Variants in CDH12 observed in about 807,000 individuals in gnomAD.
The protein encoded by CDH12 is cadherin-12.
CDH12 carries 41 observed loss-of-function variants against 74.1 expected under a neutral mutation model. The ratio of observed to expected loss-of-function variants is 0.55; its 90% CI spans 0.43 to 0.72. The LOEUF is 0.72. CDH12 is among the 30% of genes least tolerant of loss of function. CDH12 has a pLI of 0.00. For missense variants in CDH12, 945 were observed against 977.2 expected (o/e 0.97, Z 0.44); for synonymous variants, 399 against 355.0 (o/e 1.12, Z -1.39).
chr5:22,401,176 T>C (rs930537671), intron 3 of CDH12, among the ~76,000 whole-genome samples: 5 of 152,072 alleles, frequency 3.3e-5, no homozygotes, highest in African/African-American at 7.2e-5. Context: ...TCGGACACCA[T>C]TGGAAGTTTT....
At chr5:22,678,370 A>T (rs1295985986) in intron 1 of CDH12, among the ~76,000 whole-genome samples, 1 of 152,142 alleles carries the variant, frequency 6.6e-6, no homozygotes, top group African/African-American at 2.4e-5. Flanking sequence ...ACTTAACAAT[A>T]TCAATACAAA....
At chr5:22,578,864 A>G (rs537956811) in intron 1 of CDH12, among the ~76,000 whole-genome samples, 1 of 152,208 alleles carries the variant, frequency 6.6e-6, no homozygotes, top group African/African-American at 2.4e-5. Flanking sequence ...TTCTGTTGCT[A>G]TATTTTAGGT....
chr5:22,378,316 T>C (rs1741622913), intron 3 of CDH12, among the ~76,000 whole-genome samples: 1 of 152,140 alleles, frequency 6.6e-6, no homozygotes, highest in South Asian at 2.1e-4. Context: ...AGATCACATA[T>C]ATTACTACAG....
At chr5:22,710,916 C>A (rs115138499) in intron 1 of CDH12, among the ~76,000 whole-genome samples, 58 of 152,112 alleles carry the variant, frequency 3.8e-4, no homozygotes, top group African/African-American at 1.3e-3. Flanking sequence ...AAGTTATTGG[C>A]ACAATTATTT....
intron 5 of CDH12, among the ~76,000 whole-genome samples, chr5:22,077,927 C>T (rs1220814507): frequency 1.3e-5 from 2 of 152,016 alleles, no homozygotes; most frequent in African/African-American, 4.8e-5. Flanking sequence ...CAAGCCAAAT[C>T]GAATACTTCA....
intron 11 of CDH12, among the ~76,000 whole-genome samples, chr5:21,766,906 G>C (rs542409883): frequency 0.017 from 2,525 of 151,856 alleles, 41 homozygotes; most frequent in Middle Eastern, 0.044. Flanking sequence ...GAAGAGACAG[G>C]GATGTAATTT....
At chr5:22,451,172 C>T (rs1005337901) in intron 2 of CDH12, among the ~76,000 whole-genome samples, 2 of 151,808 alleles carry the variant, frequency 1.3e-5, no homozygotes, top group African/African-American at 4.8e-5. Context: ...CATGTTCACT[C>T]CTTCATTCCC....
At chr5:21,829,541 T>C (rs11738750) in intron 8 of CDH12, among the ~76,000 whole-genome samples, 1 of 152,218 alleles carries the variant, frequency 6.6e-6, no homozygotes, top group African/African-American at 2.4e-5. Context: ...ATTTTCATGG[T>C]TTTTAGTATT....
intron 6 of CDH12, among the ~76,000 whole-genome samples, chr5:21,974,632 T>C (rs1756984713): frequency 6.6e-6 from 1 of 152,148 alleles, no homozygotes; most frequent in Admixed American, 6.6e-5. Flanking sequence ...CCAGAATCTC[T>C]ATTTACAGCT....
intron 4 of CDH12, among the ~76,000 whole-genome samples, chr5:22,150,815 A>T (rs1747526175): frequency 6.6e-6 from 1 of 152,174 alleles, no homozygotes; most frequent in Non-Finnish European, 1.5e-5. Flanking sequence ...TATCCCCTCT[A>T]GGTGGACAAA....
At chr5:22,708,282 G>C (rs190254192) in intron 1 of CDH12, among the ~76,000 whole-genome samples, 2 of 152,138 alleles carry the variant, frequency 1.3e-5, no homozygotes, top group Non-Finnish European at 1.5e-5. Context: ...CAACACACAG[G>C]GTCCCTTTAT....
chr5:22,155,949 C>T (rs1325714147), intron 4 of CDH12, among the ~76,000 whole-genome samples: 1 of 152,056 alleles, frequency 6.6e-6, no homozygotes, highest in Non-Finnish European at 1.5e-5. Flanking sequence ...ATGTCAGGGT[C>T]TTATTACTCT....
At chr5:22,311,155 A>G (rs1270241302) in intron 3 of CDH12, among the ~76,000 whole-genome samples, 1 of 152,210 alleles carries the variant, frequency 6.6e-6, no homozygotes, top group East Asian at 1.9e-4. Flanking sequence ...TCACGCAAGT[A>G]GAGAGTTTAT....
At chr5:22,346,067 T>C (rs1484118192) in intron 3 of CDH12, among the ~76,000 whole-genome samples, 3 of 150,022 alleles carry the variant, frequency 2.0e-5, no homozygotes, top group South Asian at 2.1e-4. Context: ...AGTCGCACCA[T>C]TGTACTCCAT....
At chr5:22,524,830 C>CT (rs1737199366) in intron 1 of CDH12, among the ~76,000 whole-genome samples, 1 of 150,836 alleles carries the variant, frequency 6.6e-6, no homozygotes, top group Non-Finnish European at 1.5e-5. Flanking sequence ...TTTTATTATA[C>CT]TTTAAGTTTT....
chr5:21,920,478 G>A (rs1754298992), intron 6 of CDH12, among the ~76,000 whole-genome samples: 1 of 151,914 alleles, frequency 6.6e-6, no homozygotes, highest in Non-Finnish European at 1.5e-5. Context: ...GTTGAACAAT[G>A]AGAATCCATG....
chr5:22,094,709 C>T (rs923303393), intron 4 of CDH12, among the ~76,000 whole-genome samples: 4 of 152,118 alleles, frequency 2.6e-5, no homozygotes, highest in African/African-American at 4.8e-5. Context: ...AACTGTCAGG[C>T]CTCTGAGCCC....
chr5:22,608,379 GA>G (rs1310179910), intron 1 of CDH12, among the ~76,000 whole-genome samples: 1 of 152,104 alleles, frequency 6.6e-6, no homozygotes, highest in Non-Finnish European at 1.5e-5. Flanking sequence ...CATTTTGATC[GA>G]TTTCTCCCAT....
At chr5:22,321,757 T>G (rs1738894122) in intron 3 of CDH12, among the ~76,000 whole-genome samples, 1 of 152,196 alleles carries the variant, frequency 6.6e-6, no homozygotes, top group Admixed American at 6.5e-5. Flanking sequence ...TATGTACTTA[T>G]TTTGTAATAT....
Sources: gnomAD v4.1 joint callset for allele counts (sites outside exome capture counted in the v4.1 genomes callset) on GRCh38, gnomAD v4.1.1 for gene constraint, MANE v1.5 for transcripts, NCBI Gene and HGNC (gene_info 2026-07-23, HGNC 2026-07-21) for gene names.